THADA: variants seen among roughly 807,000 people sequenced by gnomAD.
The protein encoded by THADA is tRNA (32-2'-O)-methyltransferase regulator THADA.
A neutral mutation model predicts 219.8 loss-of-function variants in THADA; 213 were observed. The ratio of observed to expected loss-of-function variants is 0.97; its 90% CI spans 0.87 to 1.09. The LOEUF is 1.09. Ranked by LOEUF, THADA falls within the 50% of genes least tolerant of loss-of-function variation. The probability of loss-of-function intolerance (pLI) is 0.00; values close to 1 mark genes in which losing one functional copy is unlikely to be tolerated. For missense variants in THADA, 2,956 were observed against 2,311.3 expected, an observed-to-expected ratio of 1.28 and a Z score of -5.72; for synonymous variants, 1,018 against 828.9, an observed-to-expected ratio of 1.23 and a Z score of -3.92.
At chr2:43,529,822 T>C (rs1224325439) in intron 21 of THADA, among the ~76,000 whole-genome samples, 1 of 152,174 alleles carries the variant, frequency 6.6e-6, no homozygotes, top group African/African-American at 2.4e-5. Context: ...TTAGAGATGA[T>C]AAACAGTAGA....
intron 20 of THADA, among the ~76,000 whole-genome samples, chr2:43,542,658 T>C (rs537773279): frequency 1.3e-5 from 2 of 152,308 alleles, no homozygotes; most frequent in African/African-American, 4.8e-5. Flanking sequence ...AAAAGCCTGC[T>C]TGACTTTAAG....
intron 20 of THADA, among the ~76,000 whole-genome samples, chr2:43,543,865 CTTTAG>C (rs1695653853): frequency 6.6e-6 from 1 of 151,618 alleles, no homozygotes; most frequent in Non-Finnish European, 1.5e-5. Flanking sequence ...TGCAGAAGCT[CTTTAG>C]TTTAATTAGA....
At chr2:43,455,238 T>C (rs1682842278) in intron 26 of THADA, among the ~76,000 whole-genome samples, 1 of 152,218 alleles carries the variant, frequency 6.6e-6, no homozygotes, top group Admixed American at 6.5e-5. Context: ...TGGGCTATCA[T>C]ATTTTTTAAT....
Position 43,294,268 on chromosome 2 carries a change from T to A in THADA, c.4439-1055A>T, listed in dbSNP as rs558857547. On this transcript the variant is annotated intron_variant, in intron 31 of 37. Coordinates refer to ENST00000405975, the MANE Select transcript of THADA (RefSeq NM_022065.5). ...ACTATGTGCTAGGAGCTAAATAAGA[T>A]CACTGCCCTTAAGGAGTTTATAGTC... 3.0e-4 allele frequency among the ~76,000 whole-genome samples: 46 copies of A among 152,370 alleles called. 1 individual carries two copies. Among genetic ancestry groups the A allele is most frequent in the African/African-American group, 1.1e-3 (45 of 41,590 alleles).
chr2:43,330,497 G>T (rs944043195), intron 30 of THADA, among the ~76,000 whole-genome samples: 10 of 152,168 alleles, frequency 6.6e-5, no homozygotes, highest in Non-Finnish European at 1.0e-4. Flanking sequence ...ATGTATCAGG[G>T]CTGAGCAGCT....
chr2:43,396,921 A>C (rs1002593128), intron 29 of THADA, among the ~76,000 whole-genome samples: 1 of 152,218 alleles, frequency 6.6e-6, no homozygotes, highest in African/African-American at 2.4e-5. Flanking sequence ...AGGTTTATTA[A>C]AATTAATGAT....
chr2:43,531,509 T>A (rs1004145403), intron 21 of THADA, among the ~76,000 whole-genome samples: 1 of 152,152 alleles, frequency 6.6e-6, no homozygotes, highest in Non-Finnish European at 1.5e-5. Context: ...AAATGACTAG[T>A]GGGCTTGGCA....
rs573188302 is a variant in THADA at position 43,408,151 on chromosome 2, C to T, written c.4059-10012G>A. ...CAGGACTTTGAAGCAAGTCATCCAC[C>T]AAGTTGCAGCCATCAACCAACAGTT... On this transcript the variant is annotated intron_variant, in intron 28 of 37. Transcript: ENST00000405975. 4.1e-4 allele frequency among the ~76,000 whole-genome samples: 62 copies of T among 152,308 alleles called. 2 individuals are homozygous for T. In the South Asian group the frequency reaches 7.5e-3, roughly 18 times the overall value.
chr2:43,287,550 G>A (rs1255905487), intron 34 of THADA, among the ~76,000 whole-genome samples: 1 of 152,114 alleles, frequency 6.6e-6, no homozygotes. Context: ...ACTTGCCTCG[G>A]CCTCCCAAAG....
intron 24 of THADA, among the ~76,000 whole-genome samples, chr2:43,499,684 A>AG (rs1313395922): frequency 6.6e-6 from 1 of 152,124 alleles, no homozygotes; most frequent in Non-Finnish European, 1.5e-5. Context: ...GCCTAAAAAA[A>AG]TGCTTAAAAT....
chr2:43,541,330 AAACAC>A lies in THADA; in HGVS notation c.3107-19_3107-15del. 3 of 1,611,614 alleles carry A rather than the reference AAACAC, an allele frequency of 1.9e-6. No homozygotes were observed. Among genetic ancestry groups the A allele is most frequent in the Non-Finnish European group, 2.5e-6 (3 of 1,178,998 alleles). ...TTACTTCTTTACCTTAAACAAAAAA[AAACAC>A]AACGATTGCAACCTTGATTACTCAT... is the stretch of plus-strand genomic sequence containing the variant. On this transcript the variant is annotated splice_polypyrimidine_tract_variant and intron_variant, in intron 20 of 37. Transcript: ENST00000405975.
At chr2:43,324,088 G>C (rs1170076093) in intron 30 of THADA, among the ~76,000 whole-genome samples, 1 of 152,128 alleles carries the variant, frequency 6.6e-6, no homozygotes, top group Non-Finnish European at 1.5e-5. Flanking sequence ...TGTTTTTCTG[G>C]TTTTCTGTGG....
chr2:43,290,705 A>G (rs983049986), intron 34 of THADA, among the ~76,000 whole-genome samples: 1 of 152,026 alleles, frequency 6.6e-6, no homozygotes, highest in Admixed American at 6.6e-5. Context: ...AGGGTCCACA[A>G]TGTTATGCCA....
intron 26 of THADA, among the ~76,000 whole-genome samples, chr2:43,434,133 G>A (rs1438557696): frequency 1.3e-5 from 2 of 152,222 alleles, no homozygotes; most frequent in African/African-American, 4.8e-5. Flanking sequence ...AGGACTATGA[G>A]TACAAGTAAG....
chr2:43,352,558 A>AAAT (rs1207615148), intron 29 of THADA, among the ~76,000 whole-genome samples: 3 of 152,164 alleles, frequency 2.0e-5, no homozygotes, highest in Non-Finnish European at 4.4e-5. Context: ...ACTAAAAAAA[A>AAAT]AATAATAATA....
intron 7 of THADA, among the ~76,000 whole-genome samples, chr2:43,584,037 T>TAAAAAAAAAAAAAAAA (rs536050936): frequency 1.5e-5 from 1 of 65,608 alleles, no homozygotes; most frequent in Non-Finnish European, 3.0e-5. Context: ...TTGTCTCAAT[T>TAAAAAAAAAAAAAAAA]AAAAAAAAAA....
At chr2:43,515,284 T>A (rs867626041) in intron 22 of THADA, among the ~76,000 whole-genome samples, 24 of 5,720 alleles carry the variant, frequency 4.2e-3, no homozygotes, top group Middle Eastern at 0.031. Context: ...TATAATATAT[T>A]ATATATAATA....
intron 4 of THADA, 104 bp from the exon 5 acceptor site, chr2:43,587,106 C>A: frequency 8.3e-7 from 1 of 1,199,484 alleles, no homozygotes. Context: ...ACTAAATCTT[C>A]AAAATACAGC....
chr2:43,278,510 T>C (rs1371214192), intron 36 of THADA, among the ~76,000 whole-genome samples: 1 of 152,234 alleles, frequency 6.6e-6, no homozygotes, highest in African/African-American at 2.4e-5. Context: ...AAATTGCCAA[T>C]GGCAGAATTT....
Sources: gnomAD v4.1 joint callset for allele counts (sites outside exome capture counted in the v4.1 genomes callset) on GRCh38, gnomAD v4.1.1 for gene constraint, MANE v1.5 for transcripts, NCBI Gene and HGNC (gene_info 2026-07-23, HGNC 2026-07-21) for gene names.